CCSER1: variants seen among roughly 807,000 people sequenced by gnomAD.
The protein encoded by CCSER1 is coiled-coil serine rich protein 1.
In CCSER1, 41 loss-of-function variants were observed where a neutral mutation model predicts 82.0. The ratio of observed to expected loss-of-function variants is 0.50; its 90% CI spans 0.39 to 0.65. The LOEUF (loss-of-function observed/expected upper bound fraction) is 0.65. Among genes scored for constraint, CCSER1 ranks in the 30% least tolerant of loss-of-function variants. The probability of loss-of-function intolerance (pLI) is 0.00; values close to 1 mark genes in which losing one functional copy is unlikely to be tolerated. For synonymous variants in CCSER1, 414 were observed against 383.9 expected (o/e 1.08, Z -0.92); for missense variants, 1,119 against 1,064.2 (o/e 1.05, Z -0.72).
At chr4:90,781,862 T>C (rs2149613500) in intron 7 of CCSER1, 1 of 935,892 alleles carries the variant, frequency 1.1e-6, no homozygotes, top group Non-Finnish European at 1.3e-6. Context: ...TTTCAGTTTA[T>C]TTATGAAAGA....
Position 91,114,395 on chromosome 4 carries a change from G to A in CCSER1, c.2217+28401G>A, listed in dbSNP as rs551743390. 2.0e-5 allele frequency among the ~76,000 whole-genome samples: 3 copies of A among 152,190 alleles called. 1 individual carries two copies. The highest frequency in any genetic ancestry group is 1.9e-4 in the East Asian group (1 of 5,162). On this transcript the variant is annotated intron_variant, in intron 10 of 10. Coordinates refer to ENST00000509176, the MANE Select transcript of CCSER1 (RefSeq NM_001145065.2). Reference sequence around the variant, plus strand: ...ACACTTGGATCTTAAACACTTAGAAGCACATTCCTAAGTATGCTAAAGGCC... The same window carrying A: ...ACACTTGGATCTTAAACACTTAGAAACACATTCCTAAGTATGCTAAAGGCC...
chr4:91,446,935 CTG>C (rs1560679415), intron 10 of CCSER1, among the ~76,000 whole-genome samples: 1 of 151,944 alleles, frequency 6.6e-6, no homozygotes, highest in East Asian at 1.9e-4. Context: ...TTAGTTAAAA[CTG>C]TGAATGGAGA....
At chr4:90,783,032 C>A (rs1174940929) in intron 7 of CCSER1, among the ~76,000 whole-genome samples, 1 of 152,078 alleles carries the variant, frequency 6.6e-6, no homozygotes, top group Admixed American at 6.6e-5. Context: ...ACCTCTGCCT[C>A]CCTGGTTCAA....
At chr4:90,282,604 A>C (rs1560943196) in intron 1 of CCSER1, among the ~76,000 whole-genome samples, 1 of 151,888 alleles carries the variant, frequency 6.6e-6, no homozygotes, top group Admixed American at 6.6e-5. Context: ...GCTTATATAC[A>C]TTGAAATAAT....
chr4:91,295,542 A>C (rs973879419), intron 10 of CCSER1, among the ~76,000 whole-genome samples: 8 of 152,070 alleles, frequency 5.3e-5, no homozygotes, highest in African/African-American at 1.9e-4. Context: ...GAAAGTAAAT[A>C]TTTTGAAAAA....
rs375980087 is a variant in CCSER1 at position 90,997,664 on chromosome 4, C to G, written c.2172+74217C>G. Among the ~76,000 whole-genome samples, 28 of 152,248 alleles carry G rather than the reference C, an allele frequency of 1.8e-4. No homozygotes were observed. In the South Asian group the frequency reaches 5.6e-3, roughly 30 times the overall value. On this transcript the variant is annotated intron_variant, in intron 9 of 10. Coordinates refer to ENST00000509176, the MANE Select transcript of CCSER1 (RefSeq NM_001145065.2). ...TCACACACATACATGCATACTCATA[C>G]ACAAATGTATATGGAGAATGTACAT...
chr4:90,852,524 A>C (rs1460607343), intron 8 of CCSER1, among the ~76,000 whole-genome samples: 3 of 152,212 alleles, frequency 2.0e-5, no homozygotes, highest in Admixed American at 1.3e-4. Flanking sequence ...CTGAGTGCTT[A>C]GTGACAGAGA....
chr4:90,136,567 G>A (rs1269017609), intron 1 of CCSER1, among the ~76,000 whole-genome samples: 1 of 152,152 alleles, frequency 6.6e-6, no homozygotes, highest in Non-Finnish European at 1.5e-5. Context: ...TGCAATAGCA[G>A]TAAATAATGT....
intron 3 of CCSER1, among the ~76,000 whole-genome samples, chr4:90,365,305 C>T (rs531396793): frequency 1.9e-4 from 28 of 151,300 alleles, no homozygotes; most frequent in Non-Finnish European, 3.6e-4. Context: ...TTTGGCTGTC[C>T]CAATTCATGT....
At chr4:90,513,611 A>G (rs1399052027) in intron 5 of CCSER1, among the ~76,000 whole-genome samples, 11 of 152,248 alleles carry the variant, frequency 7.2e-5, no homozygotes, top group Admixed American at 4.6e-4. Context: ...ATTGATTCAG[A>G]GAAGCTGCAC....
chr4:91,176,864 G>A (rs1054671407), intron 10 of CCSER1, among the ~76,000 whole-genome samples: 3 of 152,186 alleles, frequency 2.0e-5, no homozygotes, highest in Non-Finnish European at 4.4e-5. Flanking sequence ...ATGTTGAATA[G>A]AAGTGGTGAG....
intron 10 of CCSER1, among the ~76,000 whole-genome samples, chr4:91,157,236 A>T (rs1329516527): frequency 1.3e-5 from 2 of 152,000 alleles, no homozygotes; most frequent in African/African-American, 2.4e-5. Context: ...ATTCGAAATC[A>T]GACTTATTTA....
At chr4:90,228,078 G>A (rs1743589078) in intron 1 of CCSER1, among the ~76,000 whole-genome samples, 1 of 152,228 alleles carries the variant, frequency 6.6e-6, no homozygotes, top group Admixed American at 6.5e-5. Flanking sequence ...GCTTGCTTAG[G>A]TAAACAGAGC....
chr4:90,261,296 G>T (rs974686268), intron 1 of CCSER1, among the ~76,000 whole-genome samples: 1 of 151,912 alleles, frequency 6.6e-6, no homozygotes, highest in Non-Finnish European at 1.5e-5. Context: ...TGGTTTGGTA[G>T]TGGCAAATAC....
At chr4:90,537,134 TA>T (rs1775498772) in intron 5 of CCSER1, among the ~76,000 whole-genome samples, 1 of 152,208 alleles carries the variant, frequency 6.6e-6, no homozygotes, top group Admixed American at 6.5e-5. Context: ...TGAACCTTTT[TA>T]AGTTTAGATT....
At chr4:91,108,386 A>G (rs1188942478) in intron 10 of CCSER1, among the ~76,000 whole-genome samples, 1 of 152,208 alleles carries the variant, frequency 6.6e-6, no homozygotes, top group Non-Finnish European at 1.5e-5. Context: ...TGGTTGAGAG[A>G]AAATATATGG....
intron 10 of CCSER1, among the ~76,000 whole-genome samples, chr4:91,380,890 G>T (rs1750835106): frequency 2.6e-5 from 4 of 152,256 alleles, no homozygotes; most frequent in Middle Eastern, 3.4e-3. Flanking sequence ...GGTACTGGTT[G>T]TTCCTTTCCA....
intron 8 of CCSER1, among the ~76,000 whole-genome samples, chr4:90,847,641 T>C (rs1235144324): frequency 6.6e-6 from 1 of 152,156 alleles, no homozygotes; most frequent in Non-Finnish European, 1.5e-5. Flanking sequence ...GGTTGTCAGA[T>C]TTTAAACGTC....
At chr4:90,953,383 A>G (rs1027848245) in intron 9 of CCSER1, among the ~76,000 whole-genome samples, 4 of 151,788 alleles carry the variant, frequency 2.6e-5, no homozygotes, top group Admixed American at 6.6e-5. Context: ...GCAAAATAAA[A>G]ATGTTCTATT....
Sources: allele counts gnomAD v4.1 joint callset (sites outside exome capture counted in the v4.1 genomes callset), GRCh38; gene constraint gnomAD v4.1.1; transcripts MANE v1.5; gene names NCBI Gene and HGNC (gene_info 2026-07-23, HGNC 2026-07-21).